Variants in FSTL5 observed in about 807,000 individuals in gnomAD.
The protein encoded by FSTL5 is follistatin-related protein 5.
In FSTL5, 62 loss-of-function variants were observed where a neutral mutation model predicts 89.1. That is an observed-to-expected ratio of 0.70 (90% CI 0.57 to 0.86). The LOEUF is 0.86. FSTL5 is among the 40% of genes least tolerant of loss of function. The pLI is 0.00. For synonymous variants in FSTL5, 383 were observed against 346.2 expected, an observed-to-expected ratio of 1.11 and a Z score of -1.18; for missense variants, 1,057 against 1,001.6, an observed-to-expected ratio of 1.06 and a Z score of -0.75.
intron 4 of FSTL5, among the ~76,000 whole-genome samples, chr4:161,904,672 C>A (rs1733470463): frequency 6.6e-6 from 1 of 151,534 alleles, no homozygotes; most frequent in African/African-American, 2.4e-5. Flanking sequence ...AATATGTAAA[C>A]ATCTTTACTT....
In FSTL5 at chr4:161,578,539, A is replaced by G. The variant is rs574507215; in HGVS notation, c.1015+8916T>C. On this transcript the variant is annotated intron_variant, in intron 8 of 15. Transcript: ENST00000306100. Reference sequence around the variant, plus strand: ...TTGAGTCCAAATGGATGGAGAAAACAGAAATCTATTTGAAAAAAATAATGG... The same window carrying G: ...TTGAGTCCAAATGGATGGAGAAAACGGAAATCTATTTGAAAAAAATAATGG... 1.6e-3 allele frequency among the ~76,000 whole-genome samples: 240 copies of G among 152,232 alleles called. 2 individuals are homozygous for G. The highest frequency in any genetic ancestry group is 5.5e-3 in the African/African-American group (229 of 41,574).
chr4:161,902,499 T>C (rs1579181280), intron 4 of FSTL5, among the ~76,000 whole-genome samples: 1 of 152,208 alleles, frequency 6.6e-6, no homozygotes, highest in East Asian at 1.9e-4. Context: ...CTTCATTGAA[T>C]GTGTGTCTTT....
chr4:161,491,646 G>T (rs964248267), intron 12 of FSTL5, among the ~76,000 whole-genome samples: 3 of 151,922 alleles, frequency 2.0e-5, no homozygotes, highest in African/African-American at 2.4e-5. Context: ...TTCAAGACCC[G>T]CCTGGTCAAC....
chr4:161,669,600 AT>A (rs1407223959), intron 6 of FSTL5, among the ~76,000 whole-genome samples: 3 of 152,140 alleles, frequency 2.0e-5, no homozygotes, highest in Non-Finnish European at 4.4e-5. Context: ...TTAAAAAAAA[AT>A]GACACTAGAC....
At chr4:161,667,440 G>C (rs1174764063) in intron 6 of FSTL5, among the ~76,000 whole-genome samples, 1 of 152,026 alleles carries the variant, frequency 6.6e-6, no homozygotes, top group Non-Finnish European at 1.5e-5. Context: ...CAAGAATGCA[G>C]ATAACAGAAT....
Position 161,499,803 on chromosome 4 carries a change from C to A in FSTL5, c.1458+213G>T, listed in dbSNP as rs1158995517. Among the ~76,000 whole-genome samples, 14 of 151,518 alleles carry A rather than the reference C, an allele frequency of 9.2e-5. No individual in the cohort carries two copies. The South Asian group carries it at 1.5e-3, about 16-fold the overall frequency. On this transcript the variant is annotated intron_variant, in intron 12 of 15. Transcript: ENST00000306100. The stretch of plus-strand genomic sequence containing the variant: ...TCATTTTAGCAAATTCTTAGGAATA[C>A]ATAATATATTAGCAAATTCTTAGGA...
intron 2 of FSTL5, among the ~76,000 whole-genome samples, chr4:162,052,550 C>T (rs1738411571): frequency 6.6e-6 from 1 of 151,652 alleles, no homozygotes; most frequent in South Asian, 2.1e-4. Context: ...CTTAGAAATT[C>T]TTCTAAGTTC....
intron 4 of FSTL5, among the ~76,000 whole-genome samples, chr4:161,881,456 C>A (rs914448069): frequency 6.6e-6 from 1 of 151,988 alleles, no homozygotes; most frequent in African/African-American, 2.4e-5. Context: ...CAATAAAAAA[C>A]AAATGAAAAT....
intron 7 of FSTL5, among the ~76,000 whole-genome samples, chr4:161,603,873 A>G (rs1734342061): frequency 6.6e-6 from 1 of 152,110 alleles, no homozygotes; most frequent in African/African-American, 2.4e-5. Context: ...TGGGGCAACA[A>G]CGTCAGTTCC....
At chr4:161,944,069 C>T (rs564387591) in intron 3 of FSTL5, among the ~76,000 whole-genome samples, 1 of 152,102 alleles carries the variant, frequency 6.6e-6, no homozygotes, top group African/African-American at 2.4e-5. Flanking sequence ...TTAATTACTC[C>T]TTTCTCTGCA....
chr4:161,783,147 G>A (rs770855640), intron 4 of FSTL5, among the ~76,000 whole-genome samples: 30 of 151,982 alleles, frequency 2.0e-4, no homozygotes, highest in African/African-American at 6.3e-4. Flanking sequence ...AATAAAAAAC[G>A]CAAATTTATT....
chr4:161,623,461 AT>A (rs1205505732), intron 7 of FSTL5, among the ~76,000 whole-genome samples: 2 of 151,956 alleles, frequency 1.3e-5, no homozygotes, highest in Non-Finnish European at 2.9e-5. Flanking sequence ...GTACTCAAAT[AT>A]TTTATGATTA....
At position 162,027,751 on chromosome 4, in the gene FSTL5, T is replaced by C. The variant is rs563876073; in HGVS notation, c.160+5874A>G. On this transcript the variant is annotated intron_variant, in intron 3 of 15. Coordinates refer to ENST00000306100, the MANE Select transcript of FSTL5 (RefSeq NM_020116.5). The stretch of plus-strand genomic sequence containing the variant: ...TAAAGTTAAGTATTTTGAAATGTTT[T>C]AGATTCTCTTATTGGTAATTAAAGA... Among the ~76,000 whole-genome samples, 23 of 151,816 alleles carry C rather than the reference T, an allele frequency of 1.5e-4. 1 individual carries two copies. The South Asian group carries it at 4.6e-3, about 30-fold the overall frequency.
chr4:161,806,971 G>A (rs1729988402), intron 4 of FSTL5, among the ~76,000 whole-genome samples: 2 of 151,944 alleles, frequency 1.3e-5, no homozygotes, highest in Non-Finnish European at 2.9e-5. Context: ...GTTATTAATG[G>A]GAAGAAAAAT....
chr4:161,411,753 C>T (rs1731600753), intron 15 of FSTL5, among the ~76,000 whole-genome samples: 1 of 152,132 alleles, frequency 6.6e-6, no homozygotes, highest in Non-Finnish European at 1.5e-5. Context: ...AAAGCTCAAA[C>T]CATCCCCTTT....
chr4:161,953,740 G>A (rs1223237556), intron 3 of FSTL5, among the ~76,000 whole-genome samples: 2 of 151,476 alleles, frequency 1.3e-5, no homozygotes, highest in Non-Finnish European at 3.0e-5. Flanking sequence ...GGAACAAAAA[G>A]CACAAAATAG....
At chr4:161,518,308 G>A (rs1357424722) in intron 10 of FSTL5, among the ~76,000 whole-genome samples, 1 of 152,114 alleles carries the variant, frequency 6.6e-6, no homozygotes, top group African/African-American at 2.4e-5. Flanking sequence ...GGAGGTAACT[G>A]GAATCAAGAA....
intron 6 of FSTL5, among the ~76,000 whole-genome samples, chr4:161,663,524 A>G (rs572533706): frequency 6.6e-6 from 1 of 152,222 alleles, no homozygotes; most frequent in African/African-American, 2.4e-5. Flanking sequence ...CTTCCAGGTT[A>G]TCTGATGCAA....
chr4:161,979,081 C>G (rs1735742664), intron 3 of FSTL5, among the ~76,000 whole-genome samples: 1 of 152,146 alleles, frequency 6.6e-6, no homozygotes, highest in Non-Finnish European at 1.5e-5. Context: ...TGCATTAAAT[C>G]ATGAGAGAAG....
Sources: allele counts gnomAD v4.1 joint callset (sites outside exome capture counted in the v4.1 genomes callset), GRCh38; gene constraint gnomAD v4.1.1; transcripts MANE v1.5; gene names NCBI Gene and HGNC (gene_info 2026-07-23, HGNC 2026-07-21).